Variants in TAFA1 observed in about 807,000 individuals in gnomAD.
The protein encoded by TAFA1 is TAFA chemokine like family member 1.
Under a neutral mutation model 18.5 loss-of-function variants are expected in TAFA1, and 4 were observed. The observed-to-expected ratio is 0.22, with a 90% CI of 0.11 to 0.49. The LOEUF (loss-of-function observed/expected upper bound fraction) is 0.49, where lower values mean the gene tolerates loss of function less well. Among genes scored for constraint, TAFA1 ranks in the 20% least tolerant of loss-of-function variants. The probability of loss-of-function intolerance (pLI) is 0.98; values close to 1 mark genes in which losing one functional copy is unlikely to be tolerated. For missense variants in TAFA1, 147 were observed against 169.0 expected (o/e 0.87, Z 0.72); for synonymous variants, 56 against 55.2 (o/e 1.01, Z -0.06).
chr3:68,006,501 G>A, intron 1 of TAFA1, 123 bp from the exon 2 acceptor site: 1 of 704,238 alleles, frequency 1.4e-6, no homozygotes, highest in Non-Finnish European at 2.6e-6. Flanking sequence ...TGGATCATTA[G>A]TTCTAGCCAG....
At chr3:68,375,447 T>C (rs998746506) in intron 2 of TAFA1, among the ~76,000 whole-genome samples, 4 of 152,104 alleles carry the variant, frequency 2.6e-5, no homozygotes, top group African/African-American at 9.7e-5. Context: ...TCCACACAAG[T>C]CAGTGGGCAA....
chr3:68,239,127 T>G (rs2066966530), intron 2 of TAFA1, among the ~76,000 whole-genome samples: 1 of 152,182 alleles, frequency 6.6e-6, no homozygotes, highest in Non-Finnish European at 1.5e-5. Context: ...TTATACTTTT[T>G]GGACAAAAAT....
chr3:68,101,885 CA>C (rs1447995354), intron 2 of TAFA1, among the ~76,000 whole-genome samples: 2 of 152,076 alleles, frequency 1.3e-5, no homozygotes, highest in Admixed American at 1.3e-4. Flanking sequence ...ACTCCTTAAG[CA>C]TATTTTTTGA....
At chr3:68,387,705 C>A (rs35943467) in intron 2 of TAFA1, among the ~76,000 whole-genome samples, 56,556 of 150,918 alleles carry the variant, frequency 0.37, 11,316 homozygotes, top group Non-Finnish European at 0.41. Flanking sequence ...AAAGGCAATT[C>A]TCTGCTGTAG....
chr3:68,417,200 C>A, intron 2 of TAFA1, 80 bp from the exon 3 acceptor site: 1 of 1,202,734 alleles, frequency 8.3e-7, no homozygotes, highest in East Asian at 2.4e-5. Flanking sequence ...TTTCCTCAAC[C>A]CCGCTACATG....
At chr3:68,262,088 G>A (rs968614168) in intron 2 of TAFA1, among the ~76,000 whole-genome samples, 5 of 151,160 alleles carry the variant, frequency 3.3e-5, no homozygotes, top group East Asian at 2.0e-4. Flanking sequence ...TTGGAGAAAC[G>A]CTCTCTGCTC....
chr3:68,396,344 C>G (rs959461354), intron 2 of TAFA1, among the ~76,000 whole-genome samples: 1 of 152,148 alleles, frequency 6.6e-6, no homozygotes, highest in South Asian at 2.1e-4. Context: ...TAGAATGTTA[C>G]CAGCAATCCA....
chr3:68,414,102 C>A (rs559593222), intron 2 of TAFA1, among the ~76,000 whole-genome samples: 2 of 152,120 alleles, frequency 1.3e-5, no homozygotes, highest in Admixed American at 1.3e-4. Flanking sequence ...GTCGGGAGTT[C>A]GAGACCATCC....
rs187043898 is a variant in TAFA1 at position 68,241,108 on chromosome 3, T to C, written c.119-176172T>C. On this transcript the variant is annotated intron_variant, in intron 2 of 4. Coordinates refer to ENST00000478136, the MANE Select transcript of TAFA1 (RefSeq NM_213609.4). ...TAAACTAAAGAATGAATTTTTTATG[T>C]CTTCACAGTGGTTAGGTCAGTTATC... Among the ~76,000 whole-genome samples the C allele has an allele frequency of 7.9e-4, 121 of 152,298 alleles. 1 individual carries two copies. The highest frequency in any genetic ancestry group is 5.9e-4 in the Non-Finnish European group (40 of 68,018).
At chr3:68,296,409 G>A (rs2068208306) in intron 2 of TAFA1, among the ~76,000 whole-genome samples, 1 of 152,060 alleles carries the variant, frequency 6.6e-6, no homozygotes, top group Non-Finnish European at 1.5e-5. Flanking sequence ...TCTCTATTTA[G>A]ATCACATAAT....
chr3:68,290,023 T>C lies in TAFA1; in HGVS notation c.119-127257T>C, dbSNP rs116157364. ...AAGATTTTTATCCATTATACAAATA[T>C]AACCCAGATAATATTCTGTTGAACT... On this transcript the variant is annotated intron_variant, in intron 2 of 4. Transcript: ENST00000478136. Among the ~76,000 whole-genome samples the C allele has an allele frequency of 6.1e-3, 935 of 152,330 alleles. 16 individuals are homozygous for C. The highest frequency in any genetic ancestry group is 0.02 in the African/African-American group (846 of 41,590).
At chr3:68,243,325 T>C (rs766844523) in intron 2 of TAFA1, among the ~76,000 whole-genome samples, 1 of 152,018 alleles carries the variant, frequency 6.6e-6, no homozygotes, top group Non-Finnish European at 1.5e-5. Context: ...TTACCAGTTA[T>C]ACCTGTACTC....
At chr3:68,040,022 C>T (rs1705131417) in intron 2 of TAFA1, among the ~76,000 whole-genome samples, 1 of 152,160 alleles carries the variant, frequency 6.6e-6, no homozygotes, top group Non-Finnish European at 1.5e-5. Flanking sequence ...CTCCAGCAGT[C>T]ACAGACATGC....
intron 2 of TAFA1, among the ~76,000 whole-genome samples, chr3:68,290,531 A>G (rs796843769): frequency 1.3e-5 from 2 of 152,270 alleles, no homozygotes; most frequent in African/African-American, 4.8e-5. Context: ...ACCTTTGTTG[A>G]CTGAAGCTGC....
At chr3:68,344,385 A>C (rs1205816774) in intron 2 of TAFA1, among the ~76,000 whole-genome samples, 3 of 152,200 alleles carry the variant, frequency 2.0e-5, no homozygotes, top group Non-Finnish European at 4.4e-5. Context: ...AGTTTAAGTC[A>C]TGAATTTGTG....
chr3:68,271,310 C>T (rs186195696), intron 2 of TAFA1, among the ~76,000 whole-genome samples: 9 of 152,036 alleles, frequency 5.9e-5, no homozygotes, highest in Admixed American at 2.6e-4. Context: ...CCACAGAAGC[C>T]CTAGGATCAC....
chr3:68,280,849 A>T (rs2067885440), intron 2 of TAFA1, among the ~76,000 whole-genome samples: 1 of 152,176 alleles, frequency 6.6e-6, no homozygotes, highest in Non-Finnish European at 1.5e-5. Flanking sequence ...TCTTCAGATA[A>T]GTTCAGATCT....
At chr3:68,203,950 G>GCCCCCCCCCCCCCCCC (rs68051336) in intron 2 of TAFA1, among the ~76,000 whole-genome samples, 4 of 126,156 alleles carry the variant, frequency 3.2e-5, no homozygotes, top group African/African-American at 8.5e-5. Flanking sequence ...AATGTCAAAG[G>GCCCCCCCCCCCCCCCC]CCCCCCCCAC....
intron 2 of TAFA1, among the ~76,000 whole-genome samples, chr3:68,009,693 A>C (rs1704432637): frequency 1.3e-5 from 2 of 152,218 alleles, no homozygotes; most frequent in South Asian, 4.1e-4. Flanking sequence ...GCAAAGATTA[A>C]AGTGATAGAT....
Sources: allele counts gnomAD v4.1 joint callset (sites outside exome capture counted in the v4.1 genomes callset), GRCh38; gene constraint gnomAD v4.1.1; transcripts MANE v1.5; gene names NCBI Gene and HGNC (gene_info 2026-07-23, HGNC 2026-07-21).